Variants in SLIT2 observed in about 807,000 individuals in gnomAD.
SLIT2 encodes the protein slit homolog 2 protein.
Under a neutral mutation model 185.7 loss-of-function variants are expected in SLIT2, and 41 were observed. That is an observed-to-expected ratio of 0.22 (90% CI 0.17 to 0.29). The LOEUF is 0.29. Ranked by LOEUF, SLIT2 falls within the 10% of genes least tolerant of loss-of-function variation. The pLI, the probability that SLIT2 is intolerant of heterozygous loss-of-function variation, is 1.00. For synonymous variants in SLIT2, 693 were observed against 680.2 expected (o/e 1.02, Z -0.29); for missense variants, 1,571 against 1,909.0 (o/e 0.82, Z 3.30).
At chr4:20,367,123 A>G (rs1240155462) in intron 4 of SLIT2, among the ~76,000 whole-genome samples, 2 of 152,178 alleles carry the variant, frequency 1.3e-5, no homozygotes, top group Non-Finnish European at 2.9e-5. Context: ...ATTTATATAA[A>G]TCCACAGTGG....
chr4:20,395,926 CTAA>C (rs1340728393), intron 4 of SLIT2, among the ~76,000 whole-genome samples: 4 of 151,612 alleles, frequency 2.6e-5, no homozygotes, highest in Non-Finnish European at 5.9e-5. Flanking sequence ...TTTTTATTTA[CTAA>C]TGTTAAACAT....
At position 20,253,577 on chromosome 4, in the gene SLIT2, A is replaced by G; in HGVS notation, c.-239A>G. ...GCCCTGGCCAGGCGGATTCATCCTC[A>G]GGACCTAAAGTTGCCCAAGGAGCTC... On this transcript the variant is annotated 5_prime_UTR_variant, in exon 1 of 37. Coordinates refer to ENST00000504154, the MANE Select transcript of SLIT2 (RefSeq NM_004787.4). 1 of 572,596 alleles carries G rather than the reference A, an allele frequency of 1.7e-6. No homozygotes were observed. The highest frequency in any genetic ancestry group is 3.1e-6 in the Non-Finnish European group (1 of 320,944). 35.5% of individuals were successfully genotyped at this position (572,596 alleles called of 1,614,324 possible).
At chr4:20,618,562 T>A (rs1440290978) in intron 36 of SLIT2, among the ~76,000 whole-genome samples, 1 of 152,236 alleles carries the variant, frequency 6.6e-6, no homozygotes, top group Non-Finnish European at 1.5e-5. Flanking sequence ...ATTTATACTC[T>A]ACATAATAGC....
intron 4 of SLIT2, among the ~76,000 whole-genome samples, chr4:20,270,727 C>G (rs1208363656): frequency 2.6e-5 from 4 of 151,906 alleles, no homozygotes; most frequent in Non-Finnish European, 5.9e-5. Context: ...AGTTATATAA[C>G]TTGATGGCCT....
At chr4:20,545,432 A>G (rs1243503667) in intron 21 of SLIT2, among the ~76,000 whole-genome samples, 84 of 150,818 alleles carry the variant, frequency 5.6e-4, no homozygotes, top group Non-Finnish European at 8.8e-5. Flanking sequence ...GTTTACTTAT[A>G]TATGGTTATT....
At chr4:20,403,319 A>G (rs921871336) in intron 4 of SLIT2, among the ~76,000 whole-genome samples, 2 of 151,950 alleles carry the variant, frequency 1.3e-5, no homozygotes, top group East Asian at 1.9e-4. Flanking sequence ...ATATTGAAAC[A>G]TACTATTGGC....
intron 9 of SLIT2, among the ~76,000 whole-genome samples, chr4:20,508,100 C>T (rs1329760225): frequency 6.6e-6 from 1 of 151,888 alleles, no homozygotes; most frequent in Non-Finnish European, 1.5e-5. Flanking sequence ...TTTCTTATGA[C>T]CTAGATAAAT....
intron 4 of SLIT2, among the ~76,000 whole-genome samples, chr4:20,402,777 G>A (rs1357957657): frequency 6.6e-6 from 1 of 151,508 alleles, no homozygotes; most frequent in African/African-American, 2.4e-5. Context: ...GCGTGGTAAA[G>A]GATTTTGAAT....
At chr4:20,300,343 G>A (rs1414665379) in intron 4 of SLIT2, among the ~76,000 whole-genome samples, 1 of 151,974 alleles carries the variant, frequency 6.6e-6, no homozygotes, top group Non-Finnish European at 1.5e-5. Context: ...GAATTATATA[G>A]GGTATATCTT....
chr4:20,567,373 C>T lies in SLIT2; in HGVS notation c.2837C>T (p.Pro946Leu). Residue 946 changes from proline to leucine, a missense_variant, in exon 27 of 37, where the codon CCA (proline) becomes CTA (leucine). Around this residue, in one of 3 missense-constraint regions of SLIT2, gnomAD observed 1,202 missense variants for 1,416.4 expected, o/e 0.85. Transcript: ENST00000504154. ...DPVDFYRCTC[P>L]YGFKGQDCDV... ...GTTGACTTTTACCGATGCACCTGTC[C>T]ATATGGTTTCAAGGTAAGTAAAAGC... 1 of 1,613,130 alleles carries T rather than the reference C, an allele frequency of 6.2e-7. No homozygotes were observed. Among genetic ancestry groups the T allele is most frequent in the Non-Finnish European group, 8.5e-7 (1 of 1,179,388 alleles).
chr4:20,601,925 C>G (rs1036481260), intron 33 of SLIT2, among the ~76,000 whole-genome samples: 6 of 151,992 alleles, frequency 3.9e-5, no homozygotes, highest in Non-Finnish European at 8.8e-5. Context: ...TATTATTGGG[C>G]CTTGCACTTG....
chr4:20,521,072 C>T (rs1296097651), intron 12 of SLIT2, among the ~76,000 whole-genome samples: 1 of 152,234 alleles, frequency 6.6e-6, no homozygotes, highest in African/African-American at 2.4e-5. Context: ...TTCCCCTAGA[C>T]TTACTCTCCA....
chr4:20,408,299 A>G (rs1036251880), intron 4 of SLIT2, among the ~76,000 whole-genome samples: 1 of 152,230 alleles, frequency 6.6e-6, no homozygotes, highest in Non-Finnish European at 1.5e-5. Context: ...AAAAACATTT[A>G]TATAAAAATG....
In SLIT2 at chr4:20,612,921, A is replaced by AAC. The variant is rs1486855996; in HGVS notation, c.3847+2755_3847+2756insCA. ...CGACAATGGGAGACTCCATCTCCAA[A>AAC]AAAAAAAAAAAAAAATTATGTCTAC... On this transcript the variant is annotated intron_variant, in intron 34 of 36. Coordinates refer to ENST00000504154, the MANE Select transcript of SLIT2 (RefSeq NM_004787.4). Among the ~76,000 whole-genome samples the AAC allele has an allele frequency of 3.3e-5, 5 of 151,198 alleles. No individual in the cohort carries two copies. In the East Asian group the frequency reaches 9.7e-4, roughly 29 times the overall value.
intron 26 of SLIT2, chr4:20,554,260 G>A: frequency 2.0e-6 from 1 of 509,052 alleles, no homozygotes; most frequent in South Asian, 1.6e-5. Context: ...CCTCTAACAA[G>A]TCAAATGTTT....
chr4:20,454,331 G>A (rs959707225), intron 4 of SLIT2, among the ~76,000 whole-genome samples: 5 of 152,010 alleles, frequency 3.3e-5, no homozygotes, highest in African/African-American at 1.2e-4. Flanking sequence ...TCAAATACAT[G>A]AAAATAATTC....
At chr4:20,390,779 A>T (rs56937998) in intron 4 of SLIT2, among the ~76,000 whole-genome samples, 84,854 of 142,434 alleles carry the variant, frequency 0.6, 25,306 homozygotes, top group African/African-American at 0.75. Flanking sequence ...TTTAAAAAAA[A>T]ATATATATAT....
At chr4:20,490,763 C>T in intron 8 of SLIT2, 1 of 1,421,082 alleles carries the variant, frequency 7.0e-7, no homozygotes, top group South Asian at 1.2e-5. Context: ...CGTTACTAAC[C>T]ACTTTTTTCT....
At chr4:20,523,377 C>A (rs1272902302) in intron 12 of SLIT2, among the ~76,000 whole-genome samples, 2 of 152,084 alleles carry the variant, frequency 1.3e-5, no homozygotes, top group South Asian at 4.1e-4. Flanking sequence ...TTGAGAATAG[C>A]CTGAACTACT....
Sources: allele counts gnomAD v4.1 joint callset (sites outside exome capture counted in the v4.1 genomes callset), GRCh38; gene constraint gnomAD v4.1.1; regional missense constraint gnomAD v4.1.1; transcripts MANE v1.5; gene names NCBI Gene and HGNC (gene_info 2026-07-23, HGNC 2026-07-21).